RIOX1: variants seen among roughly 807,000 people sequenced by gnomAD.
The protein encoded by RIOX1 is ribosomal oxygenase 1.
A neutral mutation model predicts 44.6 loss-of-function variants in RIOX1; 33 were observed. The observed-to-expected ratio is 0.74, with a 90% CI of 0.56 to 0.99. The LOEUF (loss-of-function observed/expected upper bound fraction) is 0.99, where lower values mean the gene tolerates loss of function less well. Among genes scored for constraint, RIOX1 ranks in the 50% least tolerant of loss-of-function variants. The pLI is 0.00. For missense variants in RIOX1, 821 were observed against 871.7 expected, an observed-to-expected ratio of 0.94 and a Z score of 0.73; for synonymous variants, 387 against 395.8, an observed-to-expected ratio of 0.98 and a Z score of 0.26.
chr14:73,490,953 C>A lies in RIOX1; in HGVS notation c.-65C>A. On this transcript the variant is annotated 5_prime_UTR_variant, in exon 1 of 1. Coordinates refer to ENST00000304061, the MANE Select transcript of RIOX1 (RefSeq NM_024644.5). ...TTCCCAGAGTGCACCGCAGCCGCTGCATTCAGGAACCGCTTTAGCTTCGCC... is the reference window on the plus strand; with the variant it reads ...TTCCCAGAGTGCACCGCAGCCGCTGAATTCAGGAACCGCTTTAGCTTCGCC... The A allele has an allele frequency of 7.8e-7, 1 of 1,285,958 alleles. No homozygotes were observed. The allele number at this position is 1,285,958 out of a possible 1,614,324, so 79.7% of individuals were successfully genotyped here. A position where few individuals can be genotyped will look rare whatever the true frequency, so the allele number is the denominator to read the frequency against.
chr14:73,491,257 C>T lies in RIOX1; in HGVS notation c.240C>T (p.Pro80=), dbSNP rs764665975. ...CCGACGACCTGGGGGACGCGCTACC[C>T]GGTGGGGCGGCGGTGGCGGCCGTCC... is the stretch of plus-strand genomic sequence containing the variant. ...STADDLGDAL[P]GGAAVAAVPD... The change falls in exon 1 of 1, where the codon CCC becomes CCT. Residue 80 remains proline, a synonymous_variant. Coordinates refer to ENST00000304061, the MANE Select transcript of RIOX1 (RefSeq NM_024644.5). 14 of 1,577,642 alleles carry T rather than the reference C, an allele frequency of 8.9e-6. No homozygotes were observed. Among genetic ancestry groups the T allele is most frequent in the Admixed American group, 1.8e-5 (1 of 56,294 alleles).
chr14:73,492,099 GA>G lies in RIOX1; in HGVS notation c.1083del (p.Arg363GlufsTer9). 1.9e-6 allele frequency: 3 copies of G among 1,613,882 alleles called. No homozygotes were observed. Among genetic ancestry groups the G allele is most frequent in the Non-Finnish European group, 2.5e-6 (3 of 1,179,858 alleles). ...GGTAGGAAACTCTGGCGTGTATACC[GA>G]CCCCGAGTCCCAACCGAGGAACTGG... ...LEGRKLWRVY[R>X]PRVPTEELAL... On this transcript the variant is annotated frameshift_variant, in exon 1 of 1. Coordinates refer to ENST00000304061, the MANE Select transcript of RIOX1 (RefSeq NM_024644.5). LOFTEE classifies it high-confidence loss of function. This position sits in a 1 kb window ranked among gnomAD's most constrained non-coding sequence, Gnocchi z 4.9.
chr14:73,491,361 T>G lies in RIOX1; in HGVS notation c.344T>G (p.Leu115Arg). ...GAGGCCTCGCCCGCCGCGCGCTCCC[T>G]GCAGACCCCGTCGGCGCGCCTGGTG... ...LLEASPAARS[L>R]QTPSARLVPA... Residue 115 changes from leucine (L) to arginine (R), a missense_variant, in exon 1 of 1, where the codon CTG becomes CGG. Around this residue, in one of 2 missense-constraint regions of RIOX1, gnomAD observed 554 missense variants for 531.2 expected, o/e 1.04. Coordinates refer to ENST00000304061, the MANE Select transcript of RIOX1 (RefSeq NM_024644.5). 1 of 1,381,088 alleles carries G rather than the reference T, an allele frequency of 7.2e-7. No homozygotes were observed. The highest frequency in any genetic ancestry group is 9.3e-7 in the Non-Finnish European group (1 of 1,071,976). 85.6% of individuals were successfully genotyped at this position (1,381,088 alleles called of 1,614,324 possible). A position where few individuals can be genotyped will look rare whatever the true frequency, so the allele number is the denominator to read the frequency against.
chr14:73,492,966 A>C lies in RIOX1; in HGVS notation c.*23A>C. On this transcript the variant is annotated 3_prime_UTR_variant, in exon 1 of 1. Transcript: ENST00000304061. This position sits in a 1 kb window ranked among gnomAD's most constrained non-coding sequence, Gnocchi z 4.9. The stretch of plus-strand genomic sequence containing the variant: ...TAGTTTCTTGTTGATTGCTGGAAAC[A>C]AGGCAGTAGTGATTCTCCGCTGCCA... 1 of 1,604,120 alleles carries C rather than the reference A, an allele frequency of 6.2e-7. No homozygotes were observed. The highest frequency in any genetic ancestry group is 1.4e-5 in the African/African-American group (1 of 73,792).
Position 73,491,095 on chromosome 14 carries a change from C to A in RIOX1, c.78C>A (p.Ser26Arg). The change falls in exon 1 of 1, where the codon AGC becomes AGA. Residue 26 changes from serine to arginine, a missense_variant. Around this residue, in one of 2 missense-constraint regions of RIOX1, gnomAD observed 554 missense variants for 531.2 expected, o/e 1.04. Coordinates refer to ENST00000304061, the MANE Select transcript of RIOX1 (RefSeq NM_024644.5). The stretch of plus-strand genomic sequence containing the variant: ...GCCGGCGCAAGCCCCAGCCACACAG[C>A]GGGTCGGTCCTGGCCCTGCCCTTGA... Reference protein sequence around the residue: ...PKRRRKPQPHSGSVLALPLRS... With the variant: ...PKRRRKPQPHRGSVLALPLRS... The A allele has an allele frequency of 6.2e-7, 1 of 1,600,360 alleles. No individual in the cohort carries two copies. Among genetic ancestry groups the A allele is most frequent in the South Asian group, 1.1e-5 (1 of 88,556 alleles).
rs1441880370 is a variant in RIOX1 at position 73,491,833 on chromosome 14, C to G, written c.816C>G (p.Arg272=). The G allele has an allele frequency of 4.4e-6, 7 of 1,607,696 alleles. No individual in the cohort carries two copies. Among genetic ancestry groups the G allele is most frequent in the Non-Finnish European group, 5.9e-6 (7 of 1,177,658 alleles). ...LDAARYINGR[R]ETLNPPGRAL... Reference sequence around the variant, plus strand: ...CCGCTCGCTACATCAACGGACGACGCGAGACCCTGAACCCACCCGGCCGCG... The same window carrying G: ...CCGCTCGCTACATCAACGGACGACGGGAGACCCTGAACCCACCCGGCCGCG... The change falls in exon 1 of 1, where the codon CGC becomes CGG. Residue 272 remains arginine (R), a synonymous_variant. Coordinates refer to ENST00000304061, the MANE Select transcript of RIOX1 (RefSeq NM_024644.5).
rs1392240200 is a variant in RIOX1, at chr14:73,491,817, A to C, written c.800A>C (p.Tyr267Ser). The C allele has an allele frequency of 1.9e-6, 3 of 1,603,848 alleles. No individual in the cohort carries two copies. The highest frequency in any genetic ancestry group is 2.6e-6 in the Non-Finnish European group (3 of 1,175,980). The change falls in exon 1 of 1, where the codon TAC becomes TCC. Residue 267 changes from tyrosine (Y) to serine (S), a missense_variant. Around this residue, in one of 2 missense-constraint regions of RIOX1, gnomAD observed 554 missense variants for 531.2 expected, o/e 1.04. Transcript: ENST00000304061. Reference sequence around the variant, plus strand: ...GGCCAGCATTTGGACGCCGCTCGCTACATCAACGGACGACGCGAGACCCTG... The same window carrying C: ...GGCCAGCATTTGGACGCCGCTCGCTCCATCAACGGACGACGCGAGACCCTG... ...QFGQHLDAARYINGRRETLNP... is the reference protein window; with the variant it reads ...QFGQHLDAARSINGRRETLNP...
In RIOX1 at chr14:73,492,044, G is replaced by A; in HGVS notation, c.1027G>A (p.Asp343Asn). 2 of 1,613,950 alleles carry A rather than the reference G, an allele frequency of 1.2e-6. No individual in the cohort carries two copies. The highest frequency in any genetic ancestry group is 1.7e-6 in the Non-Finnish European group (2 of 1,179,886). The change falls in exon 1 of 1, where the codon GAC (aspartate) becomes AAC (asparagine). Residue 343 changes from aspartate to asparagine, a missense_variant. By Grantham distance (23) the Asp-to-Asn change is conservative. Transcript: ENST00000304061. The surrounding 1 kb of genome is among the most constrained non-coding windows in gnomAD (Gnocchi z 4.9). ...NSQGFAPHYD[D>N]IEAFVLQLEG... ...GCAGGGCTTTGCCCCCCACTACGAC[G>A]ACATCGAGGCCTTCGTGCTGCAGCT...
In RIOX1 at chr14:73,492,870, AC is replaced by A; in HGVS notation, c.1855del (p.Gln619SerfsTer20). ...GACCTGCCCTGTGACAGTGTGGAGGACCAGCTGTCCTTGGCAACCACGTTGT... is the reference window on the plus strand; with the variant it reads ...GACCTGCCCTGTGACAGTGTGGAGGACAGCTGTCCTTGGCAACCACGTTGT... ...VGDLPCDSVE[D>X]QLSLATTLYD... On this transcript the variant is annotated frameshift_variant, in exon 1 of 1. Coordinates refer to ENST00000304061, the MANE Select transcript of RIOX1 (RefSeq NM_024644.5). LOFTEE classifies it high-confidence loss of function. This position sits in a 1 kb window ranked among gnomAD's most constrained non-coding sequence, Gnocchi z 4.9. 1 of 1,613,864 alleles carries A rather than the reference AC, an allele frequency of 6.2e-7. No homozygotes were observed. The highest frequency in any genetic ancestry group is 8.5e-7 in the Non-Finnish European group (1 of 1,179,856).
chr14:73,491,071 C>T lies in RIOX1; in HGVS notation c.54C>T (p.Arg18=), dbSNP rs1408439577. ...CGTTGAGGCGCGGGCGGCCGAAGCG[C>T]CGGCGCAAGCCCCAGCCACACAGCG... is the stretch of plus-strand genomic sequence containing the variant. ...AGPLRRGRPK[R]RRKPQPHSGS... Residue 18 remains arginine, a synonymous_variant, in exon 1 of 1, where the codon CGC becomes CGT. Transcript: ENST00000304061. 1.9e-6 allele frequency: 3 copies of T among 1,595,396 alleles called. No individual in the cohort carries two copies. Among genetic ancestry groups the T allele is most frequent in the Middle Eastern group, 1.7e-4 (1 of 5,974 alleles).
rs187143550 is a variant in RIOX1, at chr14:73,492,253, A to G, written c.1236A>G (p.Gly412=). The G allele has an allele frequency of 1.2e-5, 19 of 1,613,990 alleles. No homozygotes were observed. In the East Asian group the frequency reaches 4.2e-4, roughly 36 times the overall value. The change falls in exon 1 of 1, where the codon GGA becomes GGG. Residue 412 remains glycine, a synonymous_variant. Transcript: ENST00000304061. The surrounding 1 kb of genome is among the most constrained non-coding windows in gnomAD (Gnocchi z 4.9). The part of the protein sequence containing the change: ...GFIHQAECQD[G]VHSLHLTLST... ...TTCACCAAGCTGAATGCCAGGATGG[A>G]GTCCACTCTCTGCACCTCACCTTGT...
Position 73,492,078 on chromosome 14 carries a change from G to A in RIOX1, c.1061G>A (p.Arg354Lys). 6.8e-6 allele frequency: 11 copies of A among 1,614,000 alleles called. No homozygotes were observed. The highest frequency in any genetic ancestry group is 9.3e-6 in the Non-Finnish European group (11 of 1,179,892). The change falls in exon 1 of 1, where the codon AGG becomes AAG. Residue 354 changes from arginine (R) to lysine (K), a missense_variant. Around this residue, in one of 2 missense-constraint regions of RIOX1, gnomAD observed 554 missense variants for 531.2 expected, o/e 1.04. Transcript: ENST00000304061. This position sits in a 1 kb window ranked among gnomAD's most constrained non-coding sequence, Gnocchi z 4.9. ...GCCTTCGTGCTGCAGCTGGAAGGTA[G>A]GAAACTCTGGCGTGTATACCGACCC... is the stretch of plus-strand genomic sequence containing the variant. ...IEAFVLQLEGRKLWRVYRPRV... is the reference protein window; with the variant it reads ...IEAFVLQLEGKKLWRVYRPRV...
Position 73,491,083 on chromosome 14 carries a change from C to G in RIOX1, c.66C>G (p.Pro22=). 6.3e-7 allele frequency: 1 copy of G among 1,599,496 alleles called. No individual in the cohort carries two copies. The highest frequency in any genetic ancestry group is 8.5e-7 in the Non-Finnish European group (1 of 1,173,080). Residue 22 remains proline (P), a synonymous_variant, in exon 1 of 1, where the codon CCC becomes CCG. Coordinates refer to ENST00000304061, the MANE Select transcript of RIOX1 (RefSeq NM_024644.5). Reference sequence around the variant, plus strand: ...GGCGGCCGAAGCGCCGGCGCAAGCCCCAGCCACACAGCGGGTCGGTCCTGG... The same window carrying G: ...GGCGGCCGAAGCGCCGGCGCAAGCCGCAGCCACACAGCGGGTCGGTCCTGG... ...RRGRPKRRRK[P]QPHSGSVLAL...
chr14:73,492,419 G>C lies in RIOX1; in HGVS notation c.1402G>C (p.Asp468His). 1 of 1,613,772 alleles carries C rather than the reference G, an allele frequency of 6.2e-7. No individual in the cohort carries two copies. Among genetic ancestry groups the C allele is most frequent in the South Asian group, 1.1e-5 (1 of 91,070 alleles). The change falls in exon 1 of 1, where the codon GAT becomes CAT. Residue 468 changes from aspartate to histidine, a missense_variant. Asp to His is a moderately conservative substitution (Grantham distance 81). Coordinates refer to ENST00000304061, the MANE Select transcript of RIOX1 (RefSeq NM_024644.5). This position sits in a 1 kb window ranked among gnomAD's most constrained non-coding sequence, Gnocchi z 4.9. ...FMDYMGAQHS[D>H]SKDPRRTAFM... is the part of the protein sequence containing the mutation. Reference sequence around the variant, plus strand: ...GGATTACATGGGGGCCCAGCATTCAGATTCTAAGGATCCGCGAAGAACCGC... The same window carrying C: ...GGATTACATGGGGGCCCAGCATTCACATTCTAAGGATCCGCGAAGAACCGC...
Position 73,492,291 on chromosome 14 carries a change from G to T in RIOX1, c.1274G>T (p.Arg425Leu), listed in dbSNP as rs1885821623. Residue 425 changes from arginine (R) to leucine (L), a missense_variant, in exon 1 of 1, where the codon CGC becomes CTC. Physicochemically the swap from Arg to Leu is moderately radical, Grantham distance 102 (BLOSUM62 -2). This residue lies in a region of RIOX1 where 267 missense variants were observed against 340.5 expected (regional missense o/e 0.78). Transcript: ENST00000304061. The surrounding 1 kb of genome is among the most constrained non-coding windows in gnomAD (Gnocchi z 4.9). ...CACCTCACCTTGTCCACGTACCAGCGCAATACCTGGGGTGACTTCTTAGAG... is the reference window on the plus strand; with the variant it reads ...CACCTCACCTTGTCCACGTACCAGCTCAATACCTGGGGTGACTTCTTAGAG... Reference protein sequence around the residue: ...SLHLTLSTYQRNTWGDFLEAI... With the variant: ...SLHLTLSTYQLNTWGDFLEAI... 6.2e-7 allele frequency: 1 copy of T among 1,614,006 alleles called. No homozygotes were observed. The highest frequency in any genetic ancestry group is 1.1e-5 in the South Asian group (1 of 91,080).
Position 73,492,237 on chromosome 14 carries a change from C to G in RIOX1, c.1220C>G (p.Ala407Gly). 6.2e-7 allele frequency: 1 copy of G among 1,614,040 alleles called. No individual in the cohort carries two copies. Among genetic ancestry groups the G allele is most frequent in the Non-Finnish European group, 8.5e-7 (1 of 1,179,898 alleles). The part of the protein sequence containing the change: ...LYFPRGFIHQ[A>G]ECQDGVHSLH... ...TTTCCTCGGGGCTTCATTCACCAAG[C>G]TGAATGCCAGGATGGAGTCCACTCT... Residue 407 changes from alanine to glycine, a missense_variant, in exon 1 of 1, where the codon GCT becomes GGT. Ala to Gly is a moderately conservative substitution (Grantham distance 60). Coordinates refer to ENST00000304061, the MANE Select transcript of RIOX1 (RefSeq NM_024644.5). This position sits in a 1 kb window ranked among gnomAD's most constrained non-coding sequence, Gnocchi z 4.9.
chr14:73,491,752 T>C lies in RIOX1; in HGVS notation c.735T>C (p.Ala245=), dbSNP rs745415083. Residue 245 remains alanine, a synonymous_variant, in exon 1 of 1, where the codon GCT becomes GCC. Coordinates refer to ENST00000304061, the MANE Select transcript of RIOX1 (RefSeq NM_024644.5). ...HTYYQGLFST[A]DLDSMLRNEE... ...ACTACCAGGGACTTTTCTCTACCGC[T>C]GACCTGGATTCGATGCTGCGCAACG... 10 of 1,559,818 alleles carry C rather than the reference T, an allele frequency of 6.4e-6. No individual in the cohort carries two copies. Among genetic ancestry groups the C allele is most frequent in the Non-Finnish European group, 7.8e-6 (9 of 1,152,432 alleles).
chr14:73,490,981 C>A lies in RIOX1; in HGVS notation c.-37C>A. ...TCAGGAACCGCTTTAGCTTCGCCCCCGGCCGGCCGGGCGGGGAAGACTGGT... is the reference window on the plus strand; with the variant it reads ...TCAGGAACCGCTTTAGCTTCGCCCCAGGCCGGCCGGGCGGGGAAGACTGGT... On this transcript the variant is annotated 5_prime_UTR_variant, in exon 1 of 1. Coordinates refer to ENST00000304061, the MANE Select transcript of RIOX1 (RefSeq NM_024644.5). The A allele has an allele frequency of 7.6e-7, 1 of 1,323,272 alleles. No individual in the cohort carries two copies. The highest frequency in any genetic ancestry group is 2.2e-5 in the South Asian group (1 of 44,832). 82.0% of individuals were successfully genotyped at this position (1,323,272 alleles called of 1,614,324 possible). A position where few individuals can be genotyped will look rare whatever the true frequency, so the allele number is the denominator to read the frequency against.
In RIOX1 at chr14:73,491,000, G is replaced by A; in HGVS notation, c.-18G>A. The A allele has an allele frequency of 7.3e-7, 1 of 1,377,908 alleles. No homozygotes were observed. The highest frequency in any genetic ancestry group is 1.8e-5 in the South Asian group (1 of 54,790). The allele number at this position is 1,377,908 out of a possible 1,614,324, so 85.4% of individuals were successfully genotyped here. On this transcript the variant is annotated 5_prime_UTR_variant, in exon 1 of 1. Transcript: ENST00000304061. ...CGCCCCCGGCCGGCCGGGCGGGGAA[G>A]ACTGGTGTGGTCTGGCCATGGATGG...
Sources: allele counts gnomAD v4.1 joint callset, GRCh38; gene constraint gnomAD v4.1.1; regional missense constraint gnomAD v4.1.1; non-coding constraint Gnocchi (gnomAD v3.1); transcripts MANE v1.5; gene names NCBI Gene and HGNC (gene_info 2026-07-23, HGNC 2026-07-21).